Variants in PTHLH observed in about 807,000 individuals in gnomAD.
PTHLH encodes the protein parathyroid hormone-related protein.
Under a neutral mutation model 18.6 loss-of-function variants are expected in PTHLH, and 5 were observed. The observed-to-expected ratio is 0.27, with a 90% CI of 0.14 to 0.56. The LOEUF (loss-of-function observed/expected upper bound fraction) is 0.56. Among genes scored for constraint, PTHLH ranks in the 20% least tolerant of loss-of-function variants. The pLI is 0.92. For synonymous variants in PTHLH, 90 were observed against 94.0 expected, an observed-to-expected ratio of 0.96 and a Z score of 0.25; for missense variants, 207 against 223.9, an observed-to-expected ratio of 0.92 and a Z score of 0.48.
Position 27,963,124 on chromosome 12 carries a change from C to T in PTHLH, c.524+224G>A, listed in dbSNP as rs6245. The stretch of plus-strand genomic sequence containing the variant: ...GTGACGGTGGAGAAAGAGGAATGGG[C>T]TCTAGCGCCTCTCTATGGTGCTGGA... On this transcript the variant is annotated intron_variant, in intron 5 of 5. Coordinates refer to ENST00000545234, the MANE Select transcript of PTHLH (RefSeq NM_198965.2). 60,694 of 1,430,306 alleles carry T rather than the reference C, an allele frequency of 0.042. 1,692 individuals are homozygous for T. The highest frequency in any genetic ancestry group is 0.12 in the Admixed American group (4,446 of 36,474). 88.6% of individuals were successfully genotyped at this position (1,430,306 alleles called of 1,614,324 possible). A position where few individuals can be genotyped will look rare whatever the true frequency, so the allele number is the denominator to read the frequency against.
chr12:27,964,471 CAGAG>C (rs10551155), intron 4 of PTHLH, among the ~76,000 whole-genome samples: 394 of 147,536 alleles, frequency 2.7e-3, no homozygotes, highest in Middle Eastern at 3.5e-3. Context: ...GGCCAATCGT[CAGAG>C]AGAGAGAGAG....
chr12:27,966,187 G>C (rs1312649215), intron 4 of PTHLH, among the ~76,000 whole-genome samples: 1 of 152,168 alleles, frequency 6.6e-6, no homozygotes. Flanking sequence ...ATTTTCCCAG[G>C]ATAGTTCTCT....
In PTHLH at chr12:27,963,420, C is replaced by T; in HGVS notation, c.452G>A (p.Gly151Glu). 6.2e-7 allele frequency: 1 copy of T among 1,614,166 alleles called. No homozygotes were observed. The highest frequency in any genetic ancestry group is 1.1e-5 in the South Asian group (1 of 91,072). Residue 151 changes from glycine (G) to glutamate (E), a missense_variant, in exon 5 of 6, where the codon GGA becomes GAA. Transcript: ENST00000545234. ...CCCTTCTAGCCCACTCCCAGTCACT[C>T]CAGAGTCTAACCAGGCAGAGCGAGT... Reference protein sequence around the residue: ...RRTRSAWLDSGVTGSGLEGDH... With the variant: ...RRTRSAWLDSEVTGSGLEGDH...
chr12:27,963,802 C>G lies in PTHLH; in HGVS notation c.102-32G>C. 2.5e-6 allele frequency: 4 copies of G among 1,607,476 alleles called. No individual in the cohort carries two copies. The South Asian group carries it at 3.3e-5, about 13-fold the overall frequency. On this transcript the variant is annotated intron_variant, in intron 4 of 5. Coordinates refer to ENST00000545234, the MANE Select transcript of PTHLH (RefSeq NM_198965.2). ...AAGAAAATATTAGAGGGGAAGAAAA[C>G]AGTTAAATTTTAGTTGCTGATAGAG...
chr12:27,966,150 T>C lies in PTHLH; in HGVS notation c.102-2380A>G, dbSNP rs914312028. On this transcript the variant is annotated intron_variant, in intron 4 of 5. Transcript: ENST00000545234. ...TCTTGGCCAGCCTGTCAACTGTGAG[T>C]CACAGTGCCTTCCTAACTCAAGCTG... 7.9e-5 allele frequency among the ~76,000 whole-genome samples: 12 copies of C among 152,340 alleles called. No individual in the cohort carries two copies. In the South Asian group the frequency reaches 2.3e-3, roughly 29 times the overall value.
At chr12:27,968,404 A>C (rs1453437595) in intron 4 of PTHLH, among the ~76,000 whole-genome samples, 1 of 152,194 alleles carries the variant, frequency 6.6e-6, no homozygotes, top group Non-Finnish European at 1.5e-5. Flanking sequence ...TGTTAGTGTA[A>C]AAATTTGCCT....
In PTHLH at chr12:27,961,287, GTATATATATATACGTATATA is replaced by G. The variant is rs1256551065; in HGVS notation, c.524+2041_524+2060del. Among the ~76,000 whole-genome samples the G allele has an allele frequency of 4.7e-3, 160 of 34,042 alleles. 2 individuals are homozygous for G. Among genetic ancestry groups the G allele is most frequent in the African/African-American group, 0.014 (113 of 8,104 alleles). 22.3% of individuals were successfully genotyped at this position (34,042 alleles called of 152,430 possible). ...CTCTTTTTATAACTCATATATATAC[GTATATATATATACGTATATA>G]TATATATATATATACGTATATATAT... On this transcript the variant is annotated intron_variant, in intron 5 of 5. Transcript: ENST00000545234.
intron 4 of PTHLH, among the ~76,000 whole-genome samples, chr12:27,967,926 A>C (rs1471831589): frequency 1.3e-5 from 2 of 152,234 alleles, no homozygotes; most frequent in African/African-American, 4.8e-5. Context: ...TTCTCAAAAG[A>C]GAAAACAGGT....
At chr12:27,969,831 G>A (rs765074841) in intron 3 of PTHLH, 194 bp downstream of exon 3, 6 of 543,142 alleles carry the variant, frequency 1.1e-5, no homozygotes, top group South Asian at 4.2e-5. Flanking sequence ...GATAAGTAGT[G>A]TGTTTACACG....
chr12:27,970,194 T>C lies in PTHLH; in HGVS notation c.-192A>G. 2.0e-6 allele frequency: 1 copy of C among 511,078 alleles called. No individual in the cohort carries two copies. Among genetic ancestry groups the C allele is most frequent in the East Asian group, 5.5e-5 (1 of 18,240 alleles). The allele number at this position is 511,078 out of a possible 1,614,324, so 31.7% of individuals were successfully genotyped here. A position where few individuals can be genotyped will look rare whatever the true frequency, so the allele number is the denominator to read the frequency against. ...GCCCCGCTTCACGGGCGGGGAGACA[T>C]GCTGGCCGGGCGGCGCAGGTTGGAG... is the stretch of plus-strand genomic sequence containing the variant. On this transcript the variant is annotated 5_prime_UTR_variant, in exon 3 of 6. It removes an upstream start codon present in the reference 5' UTR. Coordinates refer to ENST00000545234, the MANE Select transcript of PTHLH (RefSeq NM_198965.2).
Position 27,969,472 on chromosome 12 carries a change from T to G in PTHLH, c.23A>C (p.Gln8Pro). MQRRLVQQWSVAVFLLSY... is the reference protein window; with the variant it reads MQRRLVQPWSVAVFLLSY... ...CAGCAGGAACACCGCGACGCTCCAC[T>G]GCTGAACCAGTCTCCGCTGCATCGT... The change falls in exon 4 of 6, where the codon CAG becomes CCG. Residue 8 changes from glutamine to proline, a missense_variant. Physicochemically the swap from Gln to Pro is moderately conservative, Grantham distance 76. Coordinates refer to ENST00000545234, the MANE Select transcript of PTHLH (RefSeq NM_198965.2). 1 of 1,589,320 alleles carries G rather than the reference T, an allele frequency of 6.3e-7. No individual in the cohort carries two copies. The highest frequency in any genetic ancestry group is 8.6e-7 in the Non-Finnish European group (1 of 1,169,548).
chr12:27,961,311 A>ACGTATATATATATACGTATATATATACG (rs3032442), intron 5 of PTHLH, among the ~76,000 whole-genome samples: 1 of 108,722 alleles, frequency 9.2e-6, no homozygotes, highest in African/African-American at 3.8e-5. Context: ...GTATATATAT[A>ACGTATATATATATACGTATATATATACG]TATATATATA....
At chr12:27,963,314 C>A in intron 5 of PTHLH, 34 bp downstream of exon 5, 1 of 1,614,090 alleles carries the variant, frequency 6.2e-7, no homozygotes, top group South Asian at 1.1e-5. Context: ...CTGAGAGCAC[C>A]CCGCTGAGGC....
chr12:27,969,560 C>T (rs531689300), intron 3 of PTHLH, 44 bp from the exon 4 acceptor site: 4 of 1,442,434 alleles, frequency 2.8e-6, no homozygotes, highest in East Asian at 2.4e-5. Context: ...TCTGGACTCT[C>T]CATCTCCCCG....
At position 27,972,507 on chromosome 12, in the gene PTHLH, T is replaced by C. The variant is rs1183003525; in HGVS notation, c.-359+16A>G. 6.6e-6 allele frequency: 1 copy of C among 152,222 alleles called. No homozygotes were observed. Among genetic ancestry groups the C allele is most frequent in the Non-Finnish European group, 1.5e-5 (1 of 68,038 alleles). 9.4% of individuals were successfully genotyped at this position (152,222 alleles called of 1,614,324 possible). ...TACTCGGAATACCAAAGTTCCCTCCTAATTTATTACTTCACCTTTTCCTTG... is the reference window on the plus strand; with the variant it reads ...TACTCGGAATACCAAAGTTCCCTCCCAATTTATTACTTCACCTTTTCCTTG... On this transcript the variant is annotated intron_variant, in intron 1 of 5. Transcript: ENST00000545234.
intron 3 of PTHLH, 76 bp from the exon 4 acceptor site, chr12:27,969,592 T>TA (rs1323299363): frequency 1.6e-6 from 2 of 1,266,286 alleles, no homozygotes. Flanking sequence ...TCCCCCTTTT[T>TA]AGCCCGCTCT....
At chr12:27,958,640 T>C in intron 5 of PTHLH, 72 bp from the exon 6 acceptor site, 4 of 1,417,262 alleles carry the variant, frequency 2.8e-6, no homozygotes, top group Non-Finnish European at 3.9e-6. Context: ...ACATAAAATA[T>C]AAAGGATATA....
intron 2 of PTHLH, among the ~76,000 whole-genome samples, chr12:27,971,440 C>G (rs1165177921): frequency 2.0e-5 from 3 of 152,038 alleles, no homozygotes. Flanking sequence ...GGATATTTGT[C>G]TTCTAGGCAA....
chr12:27,968,426 C>T (rs971671821), intron 4 of PTHLH, among the ~76,000 whole-genome samples: 1 of 152,210 alleles, frequency 6.6e-6, no homozygotes, highest in Non-Finnish European at 1.5e-5. Context: ...AATTCCTTCT[C>T]CAGAGTCAAA....
Sources: allele counts gnomAD v4.1 joint callset (sites outside exome capture counted in the v4.1 genomes callset), GRCh38; gene constraint gnomAD v4.1.1; transcripts MANE v1.5; gene names NCBI Gene and HGNC (gene_info 2026-07-23, HGNC 2026-07-21).